ANKRD36C: variants seen among roughly 807,000 people sequenced by gnomAD.
ANKRD36C encodes ankyrin repeat domain-containing protein 36C.
ANKRD36C carries 61 observed loss-of-function variants against 276.4 expected under a neutral mutation model. The ratio of observed to expected loss-of-function variants is 0.22; its 90% CI spans 0.18 to 0.27. The LOEUF (loss-of-function observed/expected upper bound fraction) is 0.27. ANKRD36C is among the 10% of genes least tolerant of loss of function. The pLI is 1.00. For missense variants in ANKRD36C, 1,447 were observed against 2,032.3 expected (o/e 0.71, Z 5.54); for synonymous variants, 483 against 680.1 (o/e 0.71, Z 4.51).
chr2:95,890,030 T>A, intron 46 of ANKRD36C, 36 bp from the exon 67 acceptor site: 1 of 1,596,456 alleles, frequency 6.3e-7, no homozygotes, highest in Non-Finnish European at 8.6e-7. Flanking sequence ...CACTCATACG[T>A]AAATATGATA....
intron 46 of ANKRD36C, among the ~76,000 whole-genome samples, chr2:95,890,996 T>A (rs1297253687): frequency 6.6e-6 from 1 of 151,448 alleles, no homozygotes; most frequent in Non-Finnish European, 1.5e-5. Context: ...CTCTGATACC[T>A]CCTAGTAAGA....
At chr2:95,976,241 A>G (rs980537351) in intron 6 of ANKRD36C, among the ~76,000 whole-genome samples, 10 of 152,224 alleles carry the variant, frequency 6.6e-5, no homozygotes, top group Non-Finnish European at 8.8e-5. Flanking sequence ...GGGATCTAGA[A>G]CTAGAAATAC....
intron 3 of ANKRD36C, among the ~76,000 whole-genome samples, chr2:95,983,600 T>TATTC (rs1478942618): frequency 1.3e-5 from 2 of 150,952 alleles, no homozygotes; most frequent in Non-Finnish European, 3.0e-5. Context: ...TTTATTTATT[T>TATTC]ATTTATTTAT....
At position 95,889,794 on chromosome 2, in the gene ANKRD36C, A is replaced by G; in HGVS notation, c.2959+5T>C. On this transcript the variant is annotated splice_donor_5th_base_variant and intron_variant, in intron 48 of 66. Transcript: ENST00000456556. ...ACATCCTATTAAATGTGTTTGCAAAATTACCTGTCCCAGATATTTGTTCAT... is the reference window on the plus strand; with the variant it reads ...ACATCCTATTAAATGTGTTTGCAAAGTTACCTGTCCCAGATATTTGTTCAT... 1 of 1,582,930 alleles carries G rather than the reference A, an allele frequency of 6.3e-7. No individual in the cohort carries two copies. Among genetic ancestry groups the G allele is most frequent in the Non-Finnish European group, 8.6e-7 (1 of 1,162,836 alleles).
chr2:95,874,530 A>G (rs957340886), intron 59 of ANKRD36C, among the ~76,000 whole-genome samples: 3 of 152,268 alleles, frequency 2.0e-5, no homozygotes, highest in African/African-American at 2.4e-5. Flanking sequence ...AAATTAATTC[A>G]AGATGGATTA....
At chr2:95,988,327 C>G (rs1286961486) in intron 1 of ANKRD36C, among the ~76,000 whole-genome samples, 8 of 150,956 alleles carry the variant, frequency 5.3e-5, no homozygotes, top group Non-Finnish European at 1.0e-4. Flanking sequence ...GTATTTGAGA[C>G]TGTCATAAGT....
exon 38 of ANKRD36C, chr2:95,915,986 T>A (rs767731284): frequency 1.4e-4 from 212 of 1,549,718 alleles, no homozygotes; most frequent in Non-Finnish European, 1.4e-4. Context: ...TTACCTGTCC[T>A]AGATATTTCT....
intron 42 of ANKRD36C, 135 bp from the exon 45 acceptor site, chr2:95,910,703 C>T: frequency 6.7e-7 from 1 of 1,501,006 alleles, no homozygotes. Context: ...TACTTTGTGT[C>T]TGGGGACTAG....
chr2:95,922,190 T>C (rs925007301), intron 32 of ANKRD36C, among the ~76,000 whole-genome samples: 1 of 151,576 alleles, frequency 6.6e-6, no homozygotes, highest in African/African-American at 2.4e-5. Flanking sequence ...ATGCAAGATA[T>C]CCAAATGATT....
intron 34 of ANKRD36C, chr2:95,919,756 T>G (rs1677215132): frequency 1.5e-6 from 2 of 1,343,396 alleles, no homozygotes; most frequent in Non-Finnish European, 1.0e-6. Flanking sequence ...TTCTCCATCC[T>G]TTATTTCTGT....
chr2:95,910,078 C>T (rs1386687794), intron 42 of ANKRD36C, among the ~76,000 whole-genome samples: 1 of 151,198 alleles, frequency 6.6e-6, no homozygotes, highest in Non-Finnish European at 1.5e-5. Context: ...TTACTGAGAA[C>T]AAGCTGGAGA....
In ANKRD36C at chr2:95,933,718, CA is replaced by C. The variant is rs1265734076; in HGVS notation, c.1735+1735del. Among the ~76,000 whole-genome samples the C allele has an allele frequency of 1.2e-4, 18 of 152,346 alleles. No individual in the cohort carries two copies. The East Asian group carries it at 3.3e-3, about 28-fold the overall frequency. On this transcript the variant is annotated intron_variant, in intron 24 of 66. Transcript: ENST00000456556. Reference sequence around the variant, plus strand: ...CCTAAAAATACAATCATGTTATCTGCAGAGACAATTTGACTTCCTTTCTTCC... The same window carrying C: ...CCTAAAAATACAATCATGTTATCTGCGAGACAATTTGACTTCCTTTCTTCC...
chr2:95,884,536 A>T (rs1353927723), intron 52 of ANKRD36C, among the ~76,000 whole-genome samples, 168 bp from the exon 73 acceptor site: 3 of 152,050 alleles, frequency 2.0e-5, no homozygotes, highest in Non-Finnish European at 4.4e-5. Context: ...ATACACTGAA[A>T]AAAGTAATAC....
chr2:95,976,017 C>T (rs1259338601), intron 6 of ANKRD36C, among the ~76,000 whole-genome samples: 2 of 152,226 alleles, frequency 1.3e-5, no homozygotes, highest in Non-Finnish European at 2.9e-5. Flanking sequence ...GCCAAAAAAA[C>T]ACATGAAAAA....
intron 32 of ANKRD36C, among the ~76,000 whole-genome samples, chr2:95,922,021 T>C (rs1471276171): frequency 6.6e-6 from 1 of 151,590 alleles, no homozygotes; most frequent in Admixed American, 6.6e-5. Context: ...ATTTCAAACA[T>C]AATATGATTT....
intron 44 of ANKRD36C, among the ~76,000 whole-genome samples, chr2:95,892,329 A>C (rs1484812763): frequency 1.3e-5 from 2 of 151,474 alleles, no homozygotes; most frequent in Non-Finnish European, 1.5e-5. Flanking sequence ...CAATTACGAT[A>C]ACAATTCAAT....
intron 54 of ANKRD36C, among the ~76,000 whole-genome samples, chr2:95,882,943 T>A (rs1676117358): frequency 1.3e-5 from 2 of 152,132 alleles, no homozygotes; most frequent in African/African-American, 4.8e-5. Flanking sequence ...ACTTGCCTGG[T>A]AATTGAGGAG....
intron 34 of ANKRD36C, 40 bp from the exon 36 acceptor site, chr2:95,919,845 A>G: frequency 6.5e-7 from 1 of 1,527,906 alleles, no homozygotes; most frequent in Non-Finnish European, 8.8e-7. Context: ...TAAATAAATC[A>G]ATGAAGTATG....
intron 42 of ANKRD36C, 136 bp from the exon 45 acceptor site, chr2:95,910,704 T>C (rs533046844): frequency 6.7e-7 from 1 of 1,497,468 alleles, no homozygotes; most frequent in South Asian, 1.2e-5. Context: ...ACTTTGTGTC[T>C]GGGGACTAGA....
Sources: gnomAD v4.1 joint callset for allele counts (sites outside exome capture counted in the v4.1 genomes callset) on GRCh38, gnomAD v4.1.1 for gene constraint, MANE v1.5 for transcripts, NCBI Gene and HGNC (gene_info 2026-07-23, HGNC 2026-07-21) for gene names.